SLC35F4: variants seen among roughly 807,000 people sequenced by gnomAD.
The protein encoded by SLC35F4 is chromosome 14 open reading frame 36.
Under a neutral mutation model 44.2 loss-of-function variants are expected in SLC35F4, and 24 were observed. The ratio of observed to expected loss-of-function variants is 0.54; its 90% confidence interval spans 0.39 to 0.76. The LOEUF (loss-of-function observed/expected upper bound fraction) is 0.76. SLC35F4 is among the 30% of genes least tolerant of loss of function. The probability of loss-of-function intolerance (pLI) is 0.00; values close to 1 mark genes in which losing one functional copy is unlikely to be tolerated. For missense variants in SLC35F4, 562 were observed against 586.1 expected (o/e 0.96, Z 0.42); for synonymous variants, 238 against 223.6 (o/e 1.06, Z -0.57).
At chr14:57,902,832 A>C (rs1306366596) in intron 1 of SLC35F4, among the ~76,000 whole-genome samples, 1 of 152,084 alleles carries the variant, frequency 6.6e-6, no homozygotes. Context: ...TCTGCATGGA[A>C]AGCTCTTCCT....
At chr14:57,621,444 A>G (rs1295361510) in intron 1 of SLC35F4, among the ~76,000 whole-genome samples, 8 of 152,124 alleles carry the variant, frequency 5.3e-5, no homozygotes, top group Admixed American at 2.6e-4. Flanking sequence ...TAACCAAAAC[A>G]GCATGGTACT....
At chr14:57,896,836 A>G (rs1210863224) in intron 1 of SLC35F4, among the ~76,000 whole-genome samples, 2 of 152,184 alleles carry the variant, frequency 1.3e-5, no homozygotes, top group East Asian at 3.8e-4. Flanking sequence ...AGAGAATTAA[A>G]TTACATAATG....
rs766191263 is a variant in SLC35F4 at position 57,722,060 on chromosome 14, G to T, written c.104-127936C>A. Among the ~76,000 whole-genome samples, 47 of 152,174 alleles carry T rather than the reference G, an allele frequency of 3.1e-4. 1 individual carries two copies. Among genetic ancestry groups the T allele is most frequent in the Admixed American group, 7.2e-4 (11 of 15,270 alleles). On this transcript the variant is annotated intron_variant, in intron 1 of 7. Coordinates refer to ENST00000556826, the MANE Select transcript of SLC35F4 (RefSeq NM_001306087.2). ...TGAGGAGGTACACTACACTCAAAAA[G>T]AACTGCTTGAGTTTTCTAATTTATA...
intron 1 of SLC35F4, among the ~76,000 whole-genome samples, chr14:57,712,674 A>G (rs2075843377): frequency 1.3e-5 from 2 of 152,246 alleles, no homozygotes; most frequent in Non-Finnish European, 2.9e-5. Flanking sequence ...ACTGCTTAAC[A>G]AATAGATTTT....
At chr14:57,796,320 C>A (rs2078053364) in intron 1 of SLC35F4, among the ~76,000 whole-genome samples, 1 of 152,074 alleles carries the variant, frequency 6.6e-6, no homozygotes, top group African/African-American at 2.4e-5. Flanking sequence ...TTTCATCTAC[C>A]CCTATATTAC....
chr14:57,914,365 C>A (rs1889275678), intron 1 of SLC35F4, among the ~76,000 whole-genome samples: 1 of 152,040 alleles, frequency 6.6e-6, no homozygotes, highest in Non-Finnish European at 1.5e-5. Context: ...AGATTGAGAC[C>A]ATTCTGGCTA....
intron 1 of SLC35F4, among the ~76,000 whole-genome samples, chr14:57,824,975 G>A (rs1228120106): frequency 2.0e-5 from 3 of 152,082 alleles, no homozygotes; most frequent in African/African-American, 7.2e-5. Flanking sequence ...AGGGCAGAAG[G>A]AGGAAAAAGA....
chr14:57,956,353 G>A (rs1890237504), intron 1 of SLC35F4, among the ~76,000 whole-genome samples: 1 of 152,078 alleles, frequency 6.6e-6, no homozygotes, highest in Non-Finnish European at 1.5e-5. Flanking sequence ...GAAAACCTAG[G>A]CAATACCATT....
intron 1 of SLC35F4, chr14:57,596,720 G>A (rs772911533): frequency 8.2e-7 from 1 of 1,220,474 alleles, no homozygotes; most frequent in Admixed American, 1.9e-5. Flanking sequence ...TAGCGAGCAA[G>A]TGTTGAATGT....
intron 1 of SLC35F4, among the ~76,000 whole-genome samples, chr14:57,719,102 C>G (rs996493642): frequency 6.6e-5 from 10 of 152,126 alleles, no homozygotes; most frequent in Non-Finnish European, 1.5e-4. Flanking sequence ...CTGTCTTTCC[C>G]CAGTGTATGT....
rs527447430 is a variant in SLC35F4, at chr14:57,663,363, C to T, written c.104-69239G>A. Among the ~76,000 whole-genome samples the T allele has an allele frequency of 7.2e-5, 11 of 152,266 alleles. No homozygotes were observed. In the South Asian group the frequency reaches 2.1e-3, roughly 29 times the overall value. On this transcript the variant is annotated intron_variant, in intron 1 of 7. Coordinates refer to ENST00000556826, the MANE Select transcript of SLC35F4 (RefSeq NM_001306087.2). Reference sequence around the variant, plus strand: ...AACATATTTTCCAAGTGCCAATCAGCATTTCAATTCTAGAGCCCAAGTTCA... The same window carrying T: ...AACATATTTTCCAAGTGCCAATCAGTATTTCAATTCTAGAGCCCAAGTTCA...
chr14:57,569,721 A>G (rs965296666), intron 6 of SLC35F4, 67 bp downstream of exon 6: 7 of 1,424,260 alleles, frequency 4.9e-6, no homozygotes, highest in African/African-American at 2.9e-5. Context: ...TAATCCTATG[A>G]TGATAATCTA....
chr14:57,764,208 T>G (rs987850750), intron 1 of SLC35F4, among the ~76,000 whole-genome samples: 2 of 152,164 alleles, frequency 1.3e-5, no homozygotes, highest in African/African-American at 2.4e-5. Flanking sequence ...TCATGAGAGA[T>G]AATAGTAAAT....
At chr14:57,748,876 A>G (rs2076820074) in intron 1 of SLC35F4, among the ~76,000 whole-genome samples, 1 of 152,194 alleles carries the variant, frequency 6.6e-6, no homozygotes, top group African/African-American at 2.4e-5. Flanking sequence ...TGTAAATTCC[A>G]AAATAGACAA....
At position 57,709,340 on chromosome 14, in the gene SLC35F4, G is replaced by T. The variant is rs183582952; in HGVS notation, c.104-115216C>A. Among the ~76,000 whole-genome samples the T allele has an allele frequency of 1.8e-4, 27 of 152,134 alleles. No individual in the cohort carries two copies. The South Asian group carries it at 4.6e-3, about 26-fold the overall frequency. ...ACTGTCCAGGCATAACAGAAGGCTC[G>T]CACTCTTGTCTTCTGGTCACTTCTC... On this transcript the variant is annotated intron_variant, in intron 1 of 7. Coordinates refer to ENST00000556826, the MANE Select transcript of SLC35F4 (RefSeq NM_001306087.2).
intron 1 of SLC35F4, among the ~76,000 whole-genome samples, chr14:57,780,651 A>C (rs143478068): frequency 6.0e-4 from 91 of 152,284 alleles, no homozygotes; most frequent in African/African-American, 2.1e-3. Flanking sequence ...AAAAAGAACA[A>C]AACAAGAGCC....
intron 1 of SLC35F4, among the ~76,000 whole-genome samples, chr14:57,727,552 T>G (rs2076235762): frequency 6.6e-6 from 1 of 152,226 alleles, no homozygotes; most frequent in African/African-American, 2.4e-5. Context: ...CTCCTAGTAC[T>G]GCTTTCACTG....
chr14:57,728,441 C>CTTTTTTTTTTTTTTTTTTTTTTTTTTT (rs869064667), intron 1 of SLC35F4, among the ~76,000 whole-genome samples: 4 of 59,026 alleles, frequency 6.8e-5, no homozygotes, highest in Non-Finnish European at 8.6e-5. Context: ...TTCTTTCTTT[C>CTTTTTTTTTTTTTTTTTTTTTTTTTTT]TTTTTTTTTT....
At chr14:57,646,588 A>G (rs565448833) in intron 1 of SLC35F4, among the ~76,000 whole-genome samples, 6 of 152,124 alleles carry the variant, frequency 3.9e-5, no homozygotes, top group South Asian at 2.1e-4. Flanking sequence ...GGATTCATTG[A>G]TTTTTTGAAG....
Sources: allele counts gnomAD v4.1 joint callset (sites outside exome capture counted in the v4.1 genomes callset), GRCh38; gene constraint gnomAD v4.1.1; transcripts MANE v1.5; gene names NCBI Gene and HGNC (gene_info 2026-07-23, HGNC 2026-07-21).